The following OBP2B variants were observed in gnomAD, a reference collection of about 807,000 sequenced individuals.
OBP2B encodes the protein odorant-binding protein 2b.
OBP2B carries 10 observed loss-of-function variants against 21.7 expected under a neutral mutation model. That is an observed-to-expected ratio of 0.46 (90% confidence interval 0.28 to 0.78). The LOEUF is 0.78. OBP2B is among the 30% of genes least tolerant of loss of function. The probability of loss-of-function intolerance (pLI) is 0.11; values close to 1 mark genes in which losing one functional copy is unlikely to be tolerated. For missense variants in OBP2B, 153 were observed against 217.7 expected, an observed-to-expected ratio of 0.70 and a Z score of 1.87; for synonymous variants, 73 against 91.5, an observed-to-expected ratio of 0.80 and a Z score of 1.16.
At chr9:133,207,876 C>A in intron 3 of OBP2B, 1 of 1,525,216 alleles carries the variant, frequency 6.6e-7, no homozygotes, top group Non-Finnish European at 8.8e-7. Context: ...CCTCAGCTTC[C>A]TCAATGTGTC....
At chr9:133,208,381 C>G in intron 2 of OBP2B, 88 bp downstream of exon 2, 1 of 1,600,626 alleles carries the variant, frequency 6.2e-7, no homozygotes, top group Non-Finnish European at 8.5e-7. Flanking sequence ...TCCCAACACC[C>G]GAAACGTGGA....
At chr9:133,212,656 C>T (rs782373828), upstream of OBP2B, among the ~76,000 whole-genome samples, 3 of 152,194 alleles carry the variant, frequency 2.0e-5, no homozygotes, top group Admixed American at 6.5e-5. Context: ...ATCAGCTGGG[C>T]GTGGTGGCTT....
At position 133,207,224 on chromosome 9, in the gene OBP2B, A is replaced by AC; in HGVS notation, c.388+1dup. 1 of 1,605,936 alleles carries AC rather than the reference A, an allele frequency of 6.2e-7. No individual in the cohort carries two copies. The stretch of plus-strand genomic sequence containing the variant: ...ACACGCAGACCCCAGCAAGCCCCTC[A>AC]CCCACAAGCTTTCCCATGTGGAGCA... On this transcript the variant is annotated splice_donor_variant, in intron 4 of 6. Transcript: ENST00000372034. LOFTEE classifies it high-confidence loss of function.
chr9:133,217,701 C>G, the OBP2B span, among the ~76,000 whole-genome samples: 2 of 152,176 alleles, frequency 1.3e-5, no homozygotes, highest in African/African-American at 4.8e-5. Context: ...CTTGCCAGAC[C>G]CAGCCTACAT....
At chr9:133,214,303 G>A in the OBP2B span, among the ~76,000 whole-genome samples, 93 of 152,226 alleles carry the variant, frequency 6.1e-4, no homozygotes, top group African/African-American at 1.7e-3. Context: ...CCAGCTGCTC[G>A]CTGCTCAGAA....
chr9:133,212,484 A>G (rs1164301301), upstream of OBP2B, among the ~76,000 whole-genome samples: 25 of 152,228 alleles, frequency 1.6e-4, no homozygotes, highest in African/African-American at 5.8e-4. Context: ...GTAGTCTCTG[A>G]CCACATGGAA....
upstream of OBP2B, among the ~76,000 whole-genome samples, chr9:133,210,794 G>A (rs112317815): frequency 1.3e-5 from 2 of 152,278 alleles, no homozygotes; most frequent in African/African-American, 4.8e-5. Context: ...AGTCTCATTC[G>A]CCAACTGTGT....
the OBP2B span, among the ~76,000 whole-genome samples, chr9:133,222,584 C>T: frequency 2.0e-5 from 3 of 152,140 alleles, no homozygotes; most frequent in African/African-American, 4.8e-5. Context: ...AAAAATTAGC[C>T]GGGCGTGGAG....
At chr9:133,209,884 G>A (rs780735664), upstream of OBP2B, among the ~76,000 whole-genome samples, 13 of 152,126 alleles carry the variant, frequency 8.5e-5, no homozygotes, top group Non-Finnish European at 1.3e-4. This position sits in a 1 kb window ranked among gnomAD's most constrained non-coding sequence, Gnocchi z 6.0. Flanking sequence ...CCCCGACCCC[G>A]CTTCACTCCG....
At chr9:133,220,882 A>G in the OBP2B span, among the ~76,000 whole-genome samples, 2 of 152,172 alleles carry the variant, frequency 1.3e-5, no homozygotes, top group African/African-American at 4.8e-5. Flanking sequence ...GAGAATATTT[A>G]TGAACAGAAG....
intron 4 of OBP2B, among the ~76,000 whole-genome samples, 184 bp downstream of exon 4, chr9:133,207,042 C>T (rs1464726053): frequency 6.6e-6 from 1 of 152,146 alleles, no homozygotes; most frequent in Non-Finnish European, 1.5e-5. Flanking sequence ...ATGTCTGTCC[C>T]TGCCTGGCCC....
At chr9:133,212,273 G>A (rs1228978690), upstream of OBP2B, among the ~76,000 whole-genome samples, 1 of 152,198 alleles carries the variant, frequency 6.6e-6, no homozygotes. Context: ...AGAGCAACTA[G>A]ACAGAAAACC....
the OBP2B span, among the ~76,000 whole-genome samples, chr9:133,217,288 G>T: frequency 6.6e-6 from 1 of 152,174 alleles, no homozygotes; most frequent in Non-Finnish European, 1.5e-5. Context: ...ATAAATAAGT[G>T]AATTGCAGTG....
At chr9:133,222,686 G>A in the OBP2B span, among the ~76,000 whole-genome samples, 3 of 152,114 alleles carry the variant, frequency 2.0e-5, no homozygotes, top group Non-Finnish European at 4.4e-5. Flanking sequence ...AGCCGAGATC[G>A]TGCCACTGCG....
At chr9:133,223,071 C>A in the OBP2B span, among the ~76,000 whole-genome samples, 2 of 152,018 alleles carry the variant, frequency 1.3e-5, no homozygotes, top group Admixed American at 1.3e-4. This position sits in a 1 kb window ranked among gnomAD's most constrained non-coding sequence, Gnocchi z 4.4. Context: ...CTGGTGACGA[C>A]GTATCCAAAA....
chr9:133,208,443 G>A, intron 2 of OBP2B, 26 bp downstream of exon 2: 10 of 1,608,160 alleles, frequency 6.2e-6, no homozygotes, highest in Non-Finnish European at 8.5e-6. Flanking sequence ...AGTGGCCTGA[G>A]GGGCCCTGCA....
the OBP2B span, among the ~76,000 whole-genome samples, chr9:133,215,190 A>C: frequency 0.032 from 4,822 of 152,326 alleles, 147 homozygotes; most frequent in East Asian, 0.075. Flanking sequence ...AAAAAAAGAG[A>C]TACCTAGGCA....
upstream of OBP2B, among the ~76,000 whole-genome samples, chr9:133,210,702 G>C (rs564142375): frequency 6.6e-6 from 1 of 152,152 alleles, no homozygotes; most frequent in Non-Finnish European, 1.5e-5. Context: ...CAGAGAACAG[G>C]GCTCTCCCAT....
intron 2 of OBP2B, 34 bp downstream of exon 2, chr9:133,208,435 T>A (rs782589417): frequency 2.5e-6 from 4 of 1,604,270 alleles, no homozygotes; most frequent in South Asian, 2.2e-5. Flanking sequence ...GGAGCGAAAG[T>A]GGCCTGAGGG....
Sources: allele counts gnomAD v4.1 joint callset (sites outside exome capture counted in the v4.1 genomes callset), GRCh38; gene constraint gnomAD v4.1.1; non-coding constraint Gnocchi (gnomAD v3.1); transcripts MANE v1.5; gene names NCBI Gene and HGNC (gene_info 2026-07-23, HGNC 2026-07-21).